The following DCHS2 variants were observed in gnomAD, a reference collection of about 807,000 sequenced individuals.
DCHS2 encodes protocadherin-23.
In DCHS2, 142 loss-of-function variants were observed where a neutral mutation model predicts 182.4. That is an observed-to-expected ratio of 0.78 (90% CI 0.68 to 0.89). The LOEUF (loss-of-function observed/expected upper bound fraction) is 0.89. Among genes scored for constraint, DCHS2 ranks in the 40% least tolerant of loss-of-function variants. The pLI is 0.00. For synonymous variants in DCHS2, 1,740 were observed against 1,663.3 expected (o/e 1.05, Z -1.12); for missense variants, 4,319 against 4,198.6 (o/e 1.03, Z -0.79).
At chr4:154,276,715 C>T (rs886223753) in intron 13 of DCHS2, among the ~76,000 whole-genome samples, 1 of 152,104 alleles carries the variant, frequency 6.6e-6, no homozygotes, top group Admixed American at 6.6e-5. Flanking sequence ...ATGGGAAACC[C>T]CAGACCTTGC....
chr4:154,366,880 A>G (rs912661816), intron 2 of DCHS2, among the ~76,000 whole-genome samples: 1 of 152,112 alleles, frequency 6.6e-6, no homozygotes, highest in African/African-American at 2.4e-5. Flanking sequence ...TTTTATCCCT[A>G]AGATAATTTT....
intron 1 of DCHS2, among the ~76,000 whole-genome samples, chr4:154,451,999 T>C (rs962469146): frequency 1.3e-5 from 2 of 152,202 alleles, no homozygotes; most frequent in African/African-American, 4.8e-5. Context: ...ACTTGTTCTG[T>C]TGATACCAGT....
At position 154,244,291 on chromosome 4, in the gene DCHS2, G is replaced by T. The variant is rs138836985; in HGVS notation, c.6942-1519C>A. 6.6e-5 allele frequency among the ~76,000 whole-genome samples: 10 copies of T among 152,280 alleles called. No individual in the cohort carries two copies. In the East Asian group the frequency reaches 1.9e-3, roughly 29 times the overall value. ...TATACATACATTATATGACAGAGCT[G>T]GGATTCAGGTTCATGTGTTGGTCAA... On this transcript the variant is annotated intron_variant, in intron 16 of 19. Transcript: ENST00000357232.
intron 3 of DCHS2, among the ~76,000 whole-genome samples, chr4:154,365,597 G>T (rs1459183962): frequency 6.6e-6 from 1 of 151,528 alleles, no homozygotes; most frequent in African/African-American, 2.4e-5. Context: ...TCCCACCTCA[G>T]CCTCCCAAGT....
chr4:154,367,113 G>A (rs1028386725), intron 2 of DCHS2, among the ~76,000 whole-genome samples: 13 of 152,190 alleles, frequency 8.5e-5, no homozygotes, highest in African/African-American at 2.4e-4. Context: ...CTGCTCAGCC[G>A]CAGCAAGGAA....
intron 1 of DCHS2, among the ~76,000 whole-genome samples, chr4:154,431,785 C>G (rs1041686385): frequency 1.3e-5 from 2 of 152,164 alleles, no homozygotes; most frequent in Non-Finnish European, 1.5e-5. Flanking sequence ...GGGCCTTCAG[C>G]CTTCTTTACA....
At chr4:154,380,203 A>G (rs1731108308) in intron 1 of DCHS2, among the ~76,000 whole-genome samples, 1 of 152,146 alleles carries the variant, frequency 6.6e-6, no homozygotes, top group Non-Finnish European at 1.5e-5. Flanking sequence ...CTGATGATAC[A>G]GCCTTTAAAT....
At position 154,233,581 on chromosome 4, in the gene DCHS2, A is replaced by T. The variant is rs193153889; in HGVS notation, c.*955T>A. ...TGATTTTTATCTACACAAATTTTAA[A>T]AACTGACATTGAGTGGATAAATTAT... On this transcript the variant is annotated 3_prime_UTR_variant, in exon 20 of 20. Transcript: ENST00000357232. 21 of 152,344 alleles carry T rather than the reference A, an allele frequency of 1.4e-4. No individual in the cohort carries two copies. Among genetic ancestry groups the T allele is most frequent in the African/African-American group, 3.6e-4 (15 of 41,584 alleles). 9.4% of individuals were successfully genotyped at this position (152,344 alleles called of 1,614,324 possible). A position where few individuals can be genotyped will look rare whatever the true frequency, so the allele number is the denominator to read the frequency against.
intron 1 of DCHS2, among the ~76,000 whole-genome samples, chr4:154,403,601 T>C (rs1188961319): frequency 6.6e-6 from 1 of 152,180 alleles, no homozygotes; most frequent in Non-Finnish European, 1.5e-5. Context: ...GGCTGTAATT[T>C]TGTTTACCTG....
chr4:154,405,620 A>AT (rs1732368634), intron 1 of DCHS2, among the ~76,000 whole-genome samples: 1 of 152,078 alleles, frequency 6.6e-6, no homozygotes, highest in African/African-American at 2.4e-5. Flanking sequence ...CTTATTTCAG[A>AT]TATTATCCTT....
rs1000724585 is a variant in DCHS2, at chr4:154,489,654, C to T, written c.1702G>A (p.Glu568Lys). 5.2e-6 allele frequency: 8 copies of T among 1,551,542 alleles called. No individual in the cohort carries two copies. The highest frequency in any genetic ancestry group is 2.4e-5 in the East Asian group (1 of 40,904). ...AGCCAGGCGTGATCACTGCCTGCCTCGTCGGCATCGGAGGCGCTGACCCAC... is the reference window on the plus strand; with the variant it reads ...AGCCAGGCGTGATCACTGCCTGCCTTGTCGGCATCGGAGGCGCTGACCCAC... ...VMWVSASDAD[E>K]AGSDHAWLRY... The change falls in exon 1 of 20, where the codon GAG becomes AAG. Residue 568 changes from glutamate to lysine, a missense_variant. Coordinates refer to ENST00000357232, the MANE Select transcript of DCHS2 (RefSeq NM_001358235.2).
At chr4:154,444,104 A>G (rs1022607604) in intron 1 of DCHS2, among the ~76,000 whole-genome samples, 1 of 152,070 alleles carries the variant, frequency 6.6e-6, no homozygotes, top group African/African-American at 2.4e-5. Flanking sequence ...GGCCCAGCCC[A>G]TGGGCCTCTT....
intron 1 of DCHS2, among the ~76,000 whole-genome samples, chr4:154,447,448 A>G (rs978339394): frequency 1.3e-5 from 2 of 152,156 alleles, no homozygotes; most frequent in African/African-American, 4.8e-5. Context: ...CTCTGTATTC[A>G]TTATTCCTCC....
chr4:154,486,883 A>C (rs888780014), intron 1 of DCHS2, among the ~76,000 whole-genome samples: 1 of 152,128 alleles, frequency 6.6e-6, no homozygotes, highest in African/African-American at 2.4e-5. Context: ...GCACAATTTA[A>C]TGCTGTCTGC....
At chr4:154,286,815 A>G (rs1397217096) in intron 13 of DCHS2, among the ~76,000 whole-genome samples, 1 of 152,180 alleles carries the variant, frequency 6.6e-6, no homozygotes, top group African/African-American at 2.4e-5. Context: ...GATAACAGAG[A>G]ACTCCTCAAA....
At chr4:154,469,787 G>A (rs763479397) in intron 1 of DCHS2, among the ~76,000 whole-genome samples, 2 of 152,086 alleles carry the variant, frequency 1.3e-5, no homozygotes, top group African/African-American at 2.4e-5. Context: ...GTATTAGCAT[G>A]GCTGCCTCCT....
intron 1 of DCHS2, among the ~76,000 whole-genome samples, chr4:154,383,843 C>G (rs1731278340): frequency 1.3e-5 from 2 of 151,948 alleles, no homozygotes; most frequent in Admixed American, 1.3e-4. Flanking sequence ...ATAAAAACGT[C>G]TCAGAGCCCA....
intron 10 of DCHS2, among the ~76,000 whole-genome samples, chr4:154,310,565 G>A (rs1452342587): frequency 2.0e-5 from 3 of 152,188 alleles, no homozygotes; most frequent in African/African-American, 7.2e-5. Flanking sequence ...ACCTTCATAA[G>A]TACACTGGGA....
intron 1 of DCHS2, among the ~76,000 whole-genome samples, chr4:154,488,886 ATGTGTGTGTGTGTGTCTGTGTGTG>A (rs55821829): frequency 0.16 from 19,066 of 117,912 alleles, 1,559 homozygotes; most frequent in Admixed American, 0.3. Flanking sequence ...AAATATATAT[ATGTGTGTGTGTGTGTCTGTGTGTG>A]TGTGTGTGTG....
Sources: gnomAD v4.1 joint callset for allele counts (sites outside exome capture counted in the v4.1 genomes callset) on GRCh38, gnomAD v4.1.1 for gene constraint, MANE v1.5 for transcripts, NCBI Gene and HGNC (gene_info 2026-07-23, HGNC 2026-07-21) for gene names.